Variants in CFAP61 observed in about 807,000 individuals in gnomAD.
CFAP61 encodes cilia- and flagella-associated protein 61.
Under a neutral mutation model 135.6 loss-of-function variants are expected in CFAP61, and 107 were observed. The observed-to-expected ratio is 0.79, with a 90% CI of 0.67 to 0.93. The LOEUF (loss-of-function observed/expected upper bound fraction) is 0.93, where lower values mean the gene tolerates loss of function less well. Among genes scored for constraint, CFAP61 ranks in the 40% least tolerant of loss-of-function variants. CFAP61 has a pLI of 0.00. For missense variants in CFAP61, 1,507 were observed against 1,556.2 expected, an observed-to-expected ratio of 0.97 and a Z score of 0.53; for synonymous variants, 575 against 578.5, an observed-to-expected ratio of 0.99 and a Z score of 0.09.
chr20:20,268,074 G>T (rs561900185), intron 21 of CFAP61, among the ~76,000 whole-genome samples: 39 of 152,346 alleles, frequency 2.6e-4, no homozygotes, highest in Admixed American at 1.1e-3. Flanking sequence ...TTCAGTCCTT[G>T]CTTTTTCTTC....
intron 21 of CFAP61, among the ~76,000 whole-genome samples, chr20:20,268,460 G>C (rs1210065331): frequency 1.3e-5 from 2 of 152,210 alleles, no homozygotes; most frequent in Non-Finnish European, 2.9e-5. Flanking sequence ...TACCACCCCA[G>C]AGAGTAGCTC....
intron 25 of CFAP61, among the ~76,000 whole-genome samples, chr20:20,340,845 C>T (rs898127158): frequency 4.6e-5 from 7 of 152,138 alleles, no homozygotes; most frequent in African/African-American, 1.7e-4. Flanking sequence ...ATGCCATGTT[C>T]TGATCCAGCG....
intron 26 of CFAP61, among the ~76,000 whole-genome samples, chr20:20,343,948 G>A (rs1371918180): frequency 6.6e-6 from 1 of 152,188 alleles, no homozygotes; most frequent in Non-Finnish European, 1.5e-5. Context: ...GCAGGCCCAG[G>A]CAGCAGACCA....
chr20:20,294,603 A>C (rs912469245), intron 24 of CFAP61, among the ~76,000 whole-genome samples: 1 of 152,198 alleles, frequency 6.6e-6, no homozygotes, highest in African/African-American at 2.4e-5. Context: ...AGAGGAGGCC[A>C]AAATATGATA....
At chr20:20,131,065 G>A (rs1009289141) in intron 8 of CFAP61, among the ~76,000 whole-genome samples, 1 of 151,698 alleles carries the variant, frequency 6.6e-6, no homozygotes, top group Non-Finnish European at 1.5e-5. Flanking sequence ...ACTTGTACTG[G>A]GCAGATTGGG....
chr20:20,058,246 T>C (rs546485085), intron 2 of CFAP61, among the ~76,000 whole-genome samples: 6 of 152,288 alleles, frequency 3.9e-5, no homozygotes, highest in Admixed American at 3.3e-4. Flanking sequence ...AAAATAGATA[T>C]ACCAATGAAA....
At chr20:20,323,932 T>C (rs2057649430) in intron 25 of CFAP61, among the ~76,000 whole-genome samples, 1 of 152,202 alleles carries the variant, frequency 6.6e-6, no homozygotes, top group Non-Finnish European at 1.5e-5. Context: ...GAGATTCTAT[T>C]TTAATGGCGT....
chr20:20,090,347 T>C (rs2146614447), intron 6 of CFAP61, among the ~76,000 whole-genome samples: 1 of 152,268 alleles, frequency 6.6e-6, no homozygotes, highest in Non-Finnish European at 1.5e-5. Flanking sequence ...ATTTGAAATG[T>C]TTAGAATTGT....
chr20:20,094,398 A>G (rs2047417400), intron 7 of CFAP61: 2 of 152,134 alleles, frequency 1.3e-5, no homozygotes, highest in Admixed American at 1.3e-4. Flanking sequence ...AGACCCCAAT[A>G]AGGATTTTCA....
At chr20:20,194,518 A>T (rs1158802520) in intron 15 of CFAP61, among the ~76,000 whole-genome samples, 1 of 152,138 alleles carries the variant, frequency 6.6e-6, no homozygotes, top group East Asian at 1.9e-4. Flanking sequence ...TCTCTGCAGT[A>T]AGTTGTATGT....
At chr20:20,157,524 A>G (rs2053026210) in intron 9 of CFAP61, among the ~76,000 whole-genome samples, 2 of 152,244 alleles carry the variant, frequency 1.3e-5, no homozygotes, top group African/African-American at 4.8e-5. Context: ...TAGTGGAGAA[A>G]GAATAGTCTT....
At chr20:20,337,386 A>G (rs964392885) in intron 25 of CFAP61, among the ~76,000 whole-genome samples, 4 of 127,414 alleles carry the variant, frequency 3.1e-5, no homozygotes, top group Non-Finnish European at 3.5e-5. Flanking sequence ...GGATGGATGG[A>G]TGGATGGATG....
chr20:20,320,871 G>A (rs2057478000), intron 25 of CFAP61, among the ~76,000 whole-genome samples: 2 of 151,702 alleles, frequency 1.3e-5, no homozygotes, highest in Admixed American at 6.6e-5. Context: ...ACAGCCAGGT[G>A]GGCCAAAGAG....
At chr20:20,245,405 G>A (rs2146973421) in intron 18 of CFAP61, among the ~76,000 whole-genome samples, 1 of 152,304 alleles carries the variant, frequency 6.6e-6, no homozygotes, top group South Asian at 2.1e-4. Flanking sequence ...ATGGATGGCA[G>A]CAGGCAAAGA....
At chr20:20,142,698 C>G (rs541885514) in intron 8 of CFAP61, among the ~76,000 whole-genome samples, 159 bp from the exon 9 acceptor site, 2 of 152,162 alleles carry the variant, frequency 1.3e-5, no homozygotes, top group Non-Finnish European at 2.9e-5. Flanking sequence ...GGGGGGGCTG[C>G]GGAGACCTGC....
intron 8 of CFAP61, among the ~76,000 whole-genome samples, chr20:20,135,483 T>C (rs989947650): frequency 4.6e-5 from 7 of 152,232 alleles, no homozygotes; most frequent in Non-Finnish European, 2.9e-5. Flanking sequence ...AAGAATTGTC[T>C]GTGCTCAATG....
At chr20:20,079,881 T>G (rs1165064047) in intron 6 of CFAP61, among the ~76,000 whole-genome samples, 2 of 152,180 alleles carry the variant, frequency 1.3e-5, no homozygotes, top group East Asian at 3.8e-4. Context: ...CAAATTTTTA[T>G]TCCTGATTTA....
chr20:20,298,520 G>T, intron 25 of CFAP61, 134 bp downstream of exon 25: 1 of 747,002 alleles, frequency 1.3e-6, no homozygotes, highest in Non-Finnish European at 2.2e-6. Context: ...CAGAGATTTC[G>T]TTCTAATGAA....
At chr20:20,117,147 G>A (rs2146683146) in intron 8 of CFAP61, among the ~76,000 whole-genome samples, 1 of 152,204 alleles carries the variant, frequency 6.6e-6, no homozygotes, top group South Asian at 2.1e-4. Context: ...CTTGAGTTCA[G>A]GAGTTCGAGA....
Sources: allele counts gnomAD v4.1 joint callset (sites outside exome capture counted in the v4.1 genomes callset), GRCh38; gene constraint gnomAD v4.1.1; transcripts MANE v1.5; gene names NCBI Gene and HGNC (gene_info 2026-07-23, HGNC 2026-07-21).